DNAH10: variants seen among roughly 807,000 people sequenced by gnomAD.
The protein encoded by DNAH10 is axonemal beta dynein heavy chain 10.
Under a neutral mutation model 506.6 loss-of-function variants are expected in DNAH10, and 348 were observed. The ratio of observed to expected loss-of-function variants is 0.69; its 90% CI spans 0.63 to 0.75. DNAH10 has a LOEUF of 0.75. Among genes scored for constraint, DNAH10 ranks in the 30% least tolerant of loss-of-function variants. The pLI is 0.00. For missense variants in DNAH10, 5,179 were observed against 5,787.1 expected (o/e 0.89, Z 3.41); for synonymous variants, 2,059 against 2,198.6 (o/e 0.94, Z 1.78).
rs139439839 is a variant in DNAH10 at position 123,785,850 on chromosome 12, C to T, written c.1335C>T (p.Asp445=). The T allele has an allele frequency of 6.3e-5, 101 of 1,614,052 alleles. No individual in the cohort carries two copies. In the African/African-American group the frequency reaches 7.7e-4, roughly 12 times the overall value. The change falls in exon 9 of 79, where the codon GAC becomes GAT. Residue 445 remains aspartate (D), a synonymous_variant. Transcript: ENST00000673944. The surrounding 1 kb of genome is among the most constrained non-coding windows in gnomAD (Gnocchi z 4.1). ...VWIISRHYNK[D]ERMIPLMERI... is the part of the protein sequence containing the mutation. ...TCATCTCCCGACACTACAACAAAGA[C>T]GAGAGGATGATTCCGCTCATGGAGC...
rs754418227 is a variant in DNAH10, at chr12:123,847,958, C to G, written c.5815-3C>G. The G allele has an allele frequency of 6.2e-7, 1 of 1,605,332 alleles. No homozygotes were observed. The highest frequency in any genetic ancestry group is 2.2e-5 in the East Asian group (1 of 44,812). Reference sequence around the variant, plus strand: ...CATATGTTTTGCATTTGGCTTATAACAGGCGCTGTCCATGTATCTAGGTGG... The same window carrying G: ...CATATGTTTTGCATTTGGCTTATAAGAGGCGCTGTCCATGTATCTAGGTGG... On this transcript the variant is annotated splice_region_variant and splice_polypyrimidine_tract_variant and intron_variant, in intron 32 of 78. Transcript: ENST00000673944.
At chr12:123,849,921 C>T (rs1018619402) in intron 34 of DNAH10, among the ~76,000 whole-genome samples, 2 of 152,166 alleles carry the variant, frequency 1.3e-5, no homozygotes, top group African/African-American at 4.8e-5. Context: ...ATTTTTGGGG[C>T]TGAGCTGACT....
intron 54 of DNAH10, among the ~76,000 whole-genome samples, chr12:123,895,678 A>C (rs967014486): frequency 1.3e-5 from 2 of 152,194 alleles, no homozygotes; most frequent in African/African-American, 4.8e-5. Flanking sequence ...GGCCAGCCCC[A>C]ATATAGATGT....
At chr12:123,840,303 A>G (rs1323985110) in intron 29 of DNAH10, among the ~76,000 whole-genome samples, 3 of 151,344 alleles carry the variant, frequency 2.0e-5, no homozygotes, top group East Asian at 3.9e-4. Context: ...CCTTTAATCA[A>G]TGCTAACTTC....
At position 123,871,473 on chromosome 12, in the gene DNAH10, C is replaced by T; in HGVS notation, c.7656C>T (p.Thr2552=). 4 of 1,585,396 alleles carry T rather than the reference C, an allele frequency of 2.5e-6. No homozygotes were observed. The highest frequency in any genetic ancestry group is 3.4e-6 in the Non-Finnish European group (4 of 1,164,422). The part of the protein sequence containing the change: ...FINILVHTVD[T]TRTTWILEQM... The stretch of plus-strand genomic sequence containing the variant: ...CTACTTTAGTTCACACAGTGGATAC[C>T]ACTCGGACTACCTGGATATTGGAAC... The change falls in exon 45 of 79, where the codon ACC becomes ACT. Residue 2552 remains threonine, a synonymous_variant. Coordinates refer to ENST00000673944, the MANE Select transcript of DNAH10 (RefSeq NM_001372106.1).
chr12:123,767,249 A>G (rs1957082704), intron 1 of DNAH10, among the ~76,000 whole-genome samples: 1 of 152,142 alleles, frequency 6.6e-6, no homozygotes, highest in African/African-American at 2.4e-5. Context: ...CACGGCCTGC[A>G]ATTTACATCT....
rs554047113 is a variant in DNAH10 at position 123,797,524 on chromosome 12, C to T, written c.2163+692C>T. Among the ~76,000 whole-genome samples, 259 of 152,190 alleles carry T rather than the reference C, an allele frequency of 1.7e-3. 1 individual carries two copies. The highest frequency in any genetic ancestry group is 3.2e-3 in the Non-Finnish European group (218 of 68,010). On this transcript the variant is annotated intron_variant, in intron 13 of 78. Coordinates refer to ENST00000673944, the MANE Select transcript of DNAH10 (RefSeq NM_001372106.1). The stretch of plus-strand genomic sequence containing the variant: ...CCTCCTGCCTCAGCCTCCCGAGTAG[C>T]GGGGCCTACAGGTGTGGGCCACCAC...
chr12:123,929,123 C>A (rs1298788432), intron 70 of DNAH10, 152 bp from the exon 71 acceptor site: 8 of 770,952 alleles, frequency 1.0e-5, no homozygotes, highest in Non-Finnish European at 1.7e-5. Flanking sequence ...AACTTCTCAG[C>A]CTGGGCCCTG....
Position 123,914,491 on chromosome 12 carries a change from C to A in DNAH10, c.10515C>A (p.Ile3505=), listed in dbSNP as rs1007177782. Reference sequence around the variant, plus strand: ...AAAATGACATCCTGGAGCGGGAGATCCCCCTGAGCCAGCCTTTCCGGCTGG... The same window carrying A: ...AAAATGACATCCTGGAGCGGGAGATACCCCTGAGCCAGCCTTTCCGGCTGG... The part of the protein sequence containing the change: ...IWQNDILERE[I]PLSQPFRLES... Residue 3505 remains isoleucine (I), a synonymous_variant, in exon 61 of 79, where the codon ATC becomes ATA. Coordinates refer to ENST00000673944, the MANE Select transcript of DNAH10 (RefSeq NM_001372106.1). 6.2e-7 allele frequency: 1 copy of A among 1,613,754 alleles called. No individual in the cohort carries two copies. Among genetic ancestry groups the A allele is most frequent in the Non-Finnish European group, 8.5e-7 (1 of 1,179,888 alleles).
chr12:123,879,471 A>G (rs1175449541), intron 49 of DNAH10, 114 bp downstream of exon 49: 23 of 1,431,670 alleles, frequency 1.6e-5, no homozygotes, highest in Middle Eastern at 1.8e-4. Flanking sequence ...CGAAAGGTCA[A>G]TGGGGCAAAG....
At chr12:123,780,815 G>T (rs368677980) in intron 5 of DNAH10, among the ~76,000 whole-genome samples, 1 of 151,798 alleles carries the variant, frequency 6.6e-6, no homozygotes. Context: ...TGGGTGTGCT[G>T]GTGTGTGCCT....
intron 56 of DNAH10, among the ~76,000 whole-genome samples, chr12:123,900,327 G>A (rs544045934): frequency 2.3e-4 from 35 of 152,240 alleles, no homozygotes; most frequent in Middle Eastern, 3.4e-3. Context: ...GGTATTCCAC[G>A]TATTCATCTG....
chr12:123,890,961 C>G (rs542577198), intron 52 of DNAH10, among the ~76,000 whole-genome samples: 1 of 152,114 alleles, frequency 6.6e-6, no homozygotes, highest in African/African-American at 2.4e-5. Context: ...AATGTGATGT[C>G]ATATAGTGTA....
In DNAH10 at chr12:123,902,919, C is replaced by T. The variant is rs1256422105; in HGVS notation, c.9641-20C>T. ...CTCCTCTGAGCCCAAGCTTTACTCA[C>T]CCCCTGTCCTACCCTGCAGCCGAGG... is the stretch of plus-strand genomic sequence containing the variant. On this transcript the variant is annotated intron_variant, in intron 56 of 78. Transcript: ENST00000673944. This position sits in a 1 kb window ranked among gnomAD's most constrained non-coding sequence, Gnocchi z 4.5. 6.4e-7 allele frequency: 1 copy of T among 1,566,880 alleles called. No homozygotes were observed. Among genetic ancestry groups the T allele is most frequent in the Non-Finnish European group, 8.6e-7 (1 of 1,156,326 alleles).
chr12:123,907,368 T>G lies in DNAH10; in HGVS notation c.9816-1893T>G, dbSNP rs1421038568. On this transcript the variant is annotated intron_variant, in intron 57 of 78. Transcript: ENST00000673944. The surrounding 1 kb of genome is among the most constrained non-coding windows in gnomAD (Gnocchi z 4.4). ...TCCTCTAGGGAGGGTAGCATATCATTCTCCCTTTCTCATTCCTGAGTTTGT... is the reference window on the plus strand; with the variant it reads ...TCCTCTAGGGAGGGTAGCATATCATGCTCCCTTTCTCATTCCTGAGTTTGT... Among the ~76,000 whole-genome samples the G allele has an allele frequency of 6.6e-6, 1 of 152,114 alleles. No homozygotes were observed. Among genetic ancestry groups the G allele is most frequent in the East Asian group, 1.9e-4 (1 of 5,192 alleles).
intron 59 of DNAH10, 91 bp downstream of exon 59, chr12:123,910,763 T>G: frequency 1.3e-6 from 2 of 1,489,516 alleles, no homozygotes; most frequent in African/African-American, 2.9e-5. Context: ...GAAAAACTTC[T>G]CCCGAGGTTC....
At chr12:123,882,652 G>C (rs540718964) in intron 51 of DNAH10, among the ~76,000 whole-genome samples, 3 of 152,012 alleles carry the variant, frequency 2.0e-5, no homozygotes, top group African/African-American at 7.2e-5. Context: ...AATGATCCAG[G>C]CATGGTGGCA....
chr12:123,762,390 C>T lies in DNAH10; in HGVS notation c.54C>T (p.Gly18=). Residue 18 remains glycine (G), a synonymous_variant, in exon 1 of 79, where the codon GGC becomes GGT. Transcript: ENST00000673944. This position sits in a 1 kb window ranked among gnomAD's most constrained non-coding sequence, Gnocchi z 5.0. ...WMRDRVYAAF[G]ITDPQLFEDL... ...GCGACCGCGTGTATGCGGCTTTCGGCATCACCGACCCCCAGCTTTTCGAGG... is the reference window on the plus strand; with the variant it reads ...GCGACCGCGTGTATGCGGCTTTCGGTATCACCGACCCCCAGCTTTTCGAGG... 2 of 1,388,766 alleles carry T rather than the reference C, an allele frequency of 1.4e-6. No homozygotes were observed. The highest frequency in any genetic ancestry group is 3.2e-5 in the South Asian group (2 of 62,650). 86.0% of individuals were successfully genotyped at this position (1,388,766 alleles called of 1,614,324 possible).
Position 123,893,363 on chromosome 12 carries a change from A to G in DNAH10, c.9126A>G (p.Ala3042=). ...SVWQYFVNKS[A]NNLHIVLGMS... Reference sequence around the variant, plus strand: ...GGCAGTACTTCGTGAACAAAAGTGCAAATAACCTGCACATTGTCCTGGGCA... The same window carrying G: ...GGCAGTACTTCGTGAACAAAAGTGCGAATAACCTGCACATTGTCCTGGGCA... Residue 3042 remains alanine (A), a synonymous_variant, in exon 53 of 79, where the codon GCA becomes GCG. Coordinates refer to ENST00000673944, the MANE Select transcript of DNAH10 (RefSeq NM_001372106.1). 6.2e-7 allele frequency: 1 copy of G among 1,614,004 alleles called. No individual in the cohort carries two copies.
Sources: allele counts gnomAD v4.1 joint callset (sites outside exome capture counted in the v4.1 genomes callset), GRCh38; gene constraint gnomAD v4.1.1; non-coding constraint Gnocchi (gnomAD v3.1); transcripts MANE v1.5; gene names NCBI Gene and HGNC (gene_info 2026-07-23, HGNC 2026-07-21).